The following DACH2 variants were observed in gnomAD, a reference collection of about 807,000 sequenced individuals.
The protein encoded by DACH2 is dachshund family transcription factor 2, also known as dachshund homolog 2.
In DACH2, 17 loss-of-function variants were observed where a neutral mutation model predicts 35.8. The observed-to-expected ratio is 0.48, with a 90% CI of 0.33 to 0.71. The LOEUF (loss-of-function observed/expected upper bound fraction) is 0.71, where lower values mean the gene tolerates loss of function less well. Ranked by LOEUF, DACH2 falls within the 30% of genes least tolerant of loss-of-function variation. DACH2 has a pLI of 0.02. For synonymous variants in DACH2, 195 were observed against 177.3 expected (o/e 1.10, Z -0.79); for missense variants, 469 against 472.7 (o/e 0.99, Z 0.07).
At chrX:86,637,938 G>A (rs988243953) in intron 3 of DACH2, among the ~76,000 whole-genome samples, 1 of 111,509 alleles carries the variant, frequency 9.0e-6, no homozygotes, top group Non-Finnish European at 1.9e-5. Flanking sequence ...GAACCAAAAA[G>A]GAGCCTGAAT....
chrX:86,346,059 G>T (rs997810816), intron 1 of DACH2, among the ~76,000 whole-genome samples: 6 of 111,760 alleles, frequency 5.4e-5, no homozygotes, highest in African/African-American at 1.9e-4. Context: ...ATATAGGCCA[G>T]ATTGTGATGA....
intron 1 of DACH2, among the ~76,000 whole-genome samples, chrX:86,241,085 T>C (rs2033157240): frequency 8.9e-6 from 1 of 112,131 alleles, no homozygotes; most frequent in African/African-American, 3.2e-5. Flanking sequence ...GGCGATGCTA[T>C]AAAGATGCCT....
intron 1 of DACH2, among the ~76,000 whole-genome samples, chrX:86,228,914 T>G (rs1409694261): frequency 7.1e-5 from 8 of 111,970 alleles, no homozygotes; most frequent in African/African-American, 2.6e-4. Flanking sequence ...ATTCTGTGGG[T>G]TGTCTGTACA....
intron 2 of DACH2, among the ~76,000 whole-genome samples, chrX:86,470,588 A>G (rs779194999): frequency 1.8e-5 from 2 of 111,667 alleles, no homozygotes; most frequent in Non-Finnish European, 3.8e-5. Flanking sequence ...ACACATTAGT[A>G]CACATGGACA....
chrX:86,412,390 T>G (rs778116158), intron 2 of DACH2, among the ~76,000 whole-genome samples: 3 of 111,781 alleles, frequency 2.7e-5, no homozygotes, highest in Non-Finnish European at 5.6e-5. Flanking sequence ...TGGATGCTGA[T>G]TCAGAGCATA....
intron 2 of DACH2, among the ~76,000 whole-genome samples, chrX:86,425,423 A>C (rs1004616298): frequency 2.7e-5 from 3 of 110,472 alleles, no homozygotes; most frequent in African/African-American, 9.8e-5. Flanking sequence ...GCATGTGTCT[A>C]GGGAATTTGT....
chrX:86,329,987 G>C (rs773940800), intron 1 of DACH2, among the ~76,000 whole-genome samples: 1 of 111,700 alleles, frequency 9.0e-6, no homozygotes, highest in Admixed American at 9.5e-5. Flanking sequence ...GGAGAAAACT[G>C]TGTTTGTTGA....
chrX:86,335,043 A>G (rs1276017148), intron 1 of DACH2, among the ~76,000 whole-genome samples: 1 of 111,670 alleles, frequency 9.0e-6, no homozygotes, highest in East Asian at 2.8e-4. Flanking sequence ...TGTTTTGATC[A>G]GGTTTGTCAA....
chrX:86,457,641 A>G (rs1444871903), intron 2 of DACH2, among the ~76,000 whole-genome samples: 1 of 112,667 alleles, frequency 8.9e-6, no homozygotes, highest in East Asian at 2.8e-4. Context: ...ATGACAGATA[A>G]TGAACAAGTA....
intron 1 of DACH2, among the ~76,000 whole-genome samples, chrX:86,267,471 A>G (rs1420579589): frequency 8.9e-6 from 1 of 112,113 alleles, no homozygotes; most frequent in East Asian, 2.8e-4. Context: ...GAACTTTTTC[A>G]TTCATGTTAT....
chrX:86,190,087 C>G (rs745426623), intron 1 of DACH2, among the ~76,000 whole-genome samples: 1 of 109,535 alleles, frequency 9.1e-6, no homozygotes, highest in African/African-American at 3.3e-5. Flanking sequence ...TCACTTGAAC[C>G]TGGGAGGTAG....
intron 3 of DACH2, among the ~76,000 whole-genome samples, chrX:86,601,223 T>C (rs2039785362): frequency 1.8e-5 from 2 of 111,437 alleles, no homozygotes. Flanking sequence ...TTGAGGAAAT[T>C]ATTAGATATT....
chrX:86,660,521 C>T lies in DACH2; in HGVS notation c.772+9354C>T, dbSNP rs982973365. On this transcript the variant is annotated intron_variant, in intron 4 of 11. Transcript: ENST00000373125. ...AAATAATAGAATTTTATTTTATTTT[C>T]TACAACCTTTGAGGATACTATTGTC... Among the ~76,000 whole-genome samples, 3 of 111,802 alleles carry T rather than the reference C, an allele frequency of 2.7e-5. No homozygotes were observed. In the Admixed American group the frequency reaches 2.9e-4, roughly 11 times the overall value.
intron 5 of DACH2, among the ~76,000 whole-genome samples, chrX:86,697,619 A>C (rs933366803): frequency 1.8e-5 from 2 of 111,266 alleles, no homozygotes; most frequent in Non-Finnish European, 3.8e-5. Flanking sequence ...AATGGAAAAA[A>C]TGAACATCAT....
At chrX:86,438,414 C>T (rs1399809083) in intron 2 of DACH2, among the ~76,000 whole-genome samples, 1 of 109,757 alleles carries the variant, frequency 9.1e-6, no homozygotes, top group Non-Finnish European at 1.9e-5. Context: ...TTAGTAGAGA[C>T]GGGGTTTTGC....
At chrX:86,416,257 G>GCAA (rs1368450175) in intron 2 of DACH2, among the ~76,000 whole-genome samples, 2 of 112,179 alleles carry the variant, frequency 1.8e-5, no homozygotes, top group Non-Finnish European at 3.8e-5. Context: ...ATTCCAGAGA[G>GCAA]CTTGACTGGG....
chrX:86,349,485 C>T (rs898862583), intron 1 of DACH2, among the ~76,000 whole-genome samples: 1 of 112,196 alleles, frequency 8.9e-6, no homozygotes, highest in African/African-American at 3.2e-5. Context: ...ACAGGAGTGC[C>T]TGTCCTCACC....
At position 86,711,219 on chromosome X, in the gene DACH2, T is replaced by TA. The variant is rs1474612200; in HGVS notation, c.932-3321dup. 8.3e-5 allele frequency among the ~76,000 whole-genome samples: 9 copies of TA among 108,952 alleles called. No individual in the cohort carries two copies. The East Asian group carries it at 1.5e-3, about 18-fold the overall frequency. The allele number at this position is 108,952 out of a possible 115,157, so 94.6% of individuals were successfully genotyped here. ...GGTGAAACTCCATCTGTACTAAAAATAAAAAAAATTAGCTGGGCATGGTGG... is the reference window on the plus strand; with the variant it reads ...GGTGAAACTCCATCTGTACTAAAAATAAAAAAAAATTAGCTGGGCATGGTGG... On this transcript the variant is annotated intron_variant, in intron 5 of 11. Transcript: ENST00000373125.
intron 2 of DACH2, among the ~76,000 whole-genome samples, chrX:86,472,608 G>A (rs969341413): frequency 8.1e-5 from 9 of 111,740 alleles, no homozygotes; most frequent in African/African-American, 2.9e-4. Context: ...CCACTACACT[G>A]CATTTCTTAA....
Sources: allele counts gnomAD v4.1 joint callset (sites outside exome capture counted in the v4.1 genomes callset), GRCh38; gene constraint gnomAD v4.1.1; transcripts MANE v1.5; gene names NCBI Gene and HGNC (gene_info 2026-07-23, HGNC 2026-07-21).